GRHL2: variants seen among roughly 807,000 people sequenced by gnomAD.
GRHL2 encodes the protein grainyhead like transcription factor 2.
A neutral mutation model predicts 83.8 loss-of-function variants in GRHL2; 21 were observed. That is an observed-to-expected ratio of 0.25 (90% confidence interval 0.18 to 0.36). The LOEUF (loss-of-function observed/expected upper bound fraction) is 0.36. GRHL2 is among the 10% of genes least tolerant of loss of function. GRHL2 has a pLI of 1.00. For synonymous variants in GRHL2, 280 were observed against 278.9 expected (o/e 1.00, Z -0.04); for missense variants, 623 against 781.8 (o/e 0.80, Z 2.42).
At chr8:101,541,083 T>C (rs1319447892) in intron 1 of GRHL2, among the ~76,000 whole-genome samples, 1 of 152,014 alleles carries the variant, frequency 6.6e-6, no homozygotes, top group Non-Finnish European at 1.5e-5. Context: ...TGGCCTCCAG[T>C]TCCGTCACTG....
At chr8:101,679,769 T>A in the GRHL2 span, among the ~76,000 whole-genome samples, 2 of 149,576 alleles carry the variant, frequency 1.3e-5, no homozygotes, top group Non-Finnish European at 3.0e-5. Context: ...GGGGCCAATA[T>A]TCAACATTCT....
intron 14 of GRHL2, among the ~76,000 whole-genome samples, chr8:101,663,379 C>T (rs900129097): frequency 3.3e-5 from 5 of 151,980 alleles, no homozygotes; most frequent in African/African-American, 2.4e-5. Context: ...TTTGGGAGGC[C>T]GAGCTGGGTG....
intron 14 of GRHL2, among the ~76,000 whole-genome samples, chr8:101,652,349 G>GGT (rs1183729276): frequency 1.6e-5 from 1 of 62,492 alleles, no homozygotes; most frequent in Admixed American, 1.7e-4. Context: ...GTATGTGTGT[G>GGT]GTGTGTGTGG....
chr8:101,680,033 C>G, the GRHL2 span, among the ~76,000 whole-genome samples: 1 of 117,816 alleles, frequency 8.5e-6, no homozygotes, highest in Admixed American at 8.9e-5. Flanking sequence ...AGCAAAATAA[C>G]CAGCTATCAT....
At chr8:101,543,071 TA>T (rs1345754381) in intron 1 of GRHL2, among the ~76,000 whole-genome samples, 169 bp from the exon 2 acceptor site, 12 of 152,336 alleles carry the variant, frequency 7.9e-5, no homozygotes, top group Admixed American at 4.6e-4. Context: ...TCATAGACAG[TA>T]AAAAAATAAA....
intron 1 of GRHL2, among the ~76,000 whole-genome samples, chr8:101,515,968 G>T (rs992311086): frequency 1.3e-5 from 2 of 152,182 alleles, no homozygotes; most frequent in Non-Finnish European, 2.9e-5. Flanking sequence ...AAATGGGAGC[G>T]CAGGTTGGCT....
intron 1 of GRHL2, among the ~76,000 whole-genome samples, chr8:101,501,688 G>A (rs1271436803): frequency 2.0e-5 from 3 of 152,088 alleles, no homozygotes; most frequent in African/African-American, 7.2e-5. Flanking sequence ...TAGAATCCTA[G>A]AGCTAGAAAG....
In GRHL2 at chr8:101,582,232, C is replaced by T. The variant is rs577151615; in HGVS notation, c.1003+4713C>T. Reference sequence around the variant, plus strand: ...CACCCTGAGCAACAGAGCAAGACTCCGTCTCAAAAAAAAAAAAAAATGGGA... The same window carrying T: ...CACCCTGAGCAACAGAGCAAGACTCTGTCTCAAAAAAAAAAAAAAATGGGA... On this transcript the variant is annotated intron_variant, in intron 7 of 15. Transcript: ENST00000646743. Among the ~76,000 whole-genome samples the T allele has an allele frequency of 2.5e-3, 154 of 62,072 alleles. 1 individual carries two copies. Among genetic ancestry groups the T allele is most frequent in the African/African-American group, 8.6e-3 (145 of 16,956 alleles). 40.7% of individuals were successfully genotyped at this position (62,072 alleles called of 152,430 possible). A position where few individuals can be genotyped will look rare whatever the true frequency, so the allele number is the denominator to read the frequency against.
intron 3 of GRHL2, 129 bp downstream of exon 3, chr8:101,552,911 T>G (rs1199245733): frequency 1.1e-6 from 1 of 872,686 alleles, no homozygotes; most frequent in African/African-American, 1.7e-5. Flanking sequence ...GTCTTTTGAG[T>G]CTGGACCAAT....
chr8:101,593,908 A>G (rs1387103664), intron 7 of GRHL2, among the ~76,000 whole-genome samples: 1 of 151,760 alleles, frequency 6.6e-6, no homozygotes, highest in Non-Finnish European at 1.5e-5. Flanking sequence ...TCTACTAAAA[A>G]TATCAAAAAA....
chr8:101,556,211 C>A (rs1279140718), intron 3 of GRHL2, among the ~76,000 whole-genome samples: 1 of 152,156 alleles, frequency 6.6e-6, no homozygotes, highest in African/African-American at 2.4e-5. Flanking sequence ...CCCACCTCGG[C>A]CTCCCAAAGT....
At chr8:101,588,999 G>A (rs974002804) in intron 7 of GRHL2, among the ~76,000 whole-genome samples, 3 of 152,142 alleles carry the variant, frequency 2.0e-5, no homozygotes, top group Non-Finnish European at 2.9e-5. Flanking sequence ...GGTAGAAGGG[G>A]CCCTGTTTGT....
chr8:101,508,874 A>G (rs147118569), intron 1 of GRHL2, among the ~76,000 whole-genome samples: 91 of 152,338 alleles, frequency 6.0e-4, no homozygotes, highest in Admixed American at 9.8e-4. Context: ...GATTGTAATT[A>G]GAAAAAACAT....
intron 5 of GRHL2, among the ~76,000 whole-genome samples, chr8:101,572,239 G>A (rs1409376842): frequency 6.6e-6 from 1 of 152,146 alleles, no homozygotes; most frequent in African/African-American, 2.4e-5. Flanking sequence ...GGTCTAAAAT[G>A]TTATGATTCA....
chr8:101,674,751 A>AC, the GRHL2 span, among the ~76,000 whole-genome samples: 1 of 152,288 alleles, frequency 6.6e-6, no homozygotes, highest in East Asian at 1.9e-4. Context: ...CAGAGACACA[A>AC]CCAAAAAAGG....
intron 1 of GRHL2, among the ~76,000 whole-genome samples, chr8:101,524,077 A>G (rs1165283653): frequency 6.6e-6 from 1 of 152,222 alleles, no homozygotes; most frequent in South Asian, 2.1e-4. Flanking sequence ...TTCTGCACTG[A>G]AAAATCACTG....
At chr8:101,628,575 A>C (rs1471568876) in intron 9 of GRHL2, among the ~76,000 whole-genome samples, 4 of 152,096 alleles carry the variant, frequency 2.6e-5, no homozygotes, top group Non-Finnish European at 4.4e-5. Context: ...CAGTCTTTTT[A>C]TTTAAGAAAT....
chr8:101,519,252 G>A (rs933838376), intron 1 of GRHL2, among the ~76,000 whole-genome samples: 1 of 151,524 alleles, frequency 6.6e-6, no homozygotes, highest in Non-Finnish European at 1.5e-5. Context: ...TGAACTCCTG[G>A]CCTCAAGTAA....
At chr8:101,611,090 A>G (rs1812740272) in intron 8 of GRHL2, among the ~76,000 whole-genome samples, 1 of 150,826 alleles carries the variant, frequency 6.6e-6, no homozygotes, top group Non-Finnish European at 1.5e-5. Flanking sequence ...GCTCCTAAAA[A>G]TCTTTAACAA....
Sources: allele counts gnomAD v4.1 joint callset (sites outside exome capture counted in the v4.1 genomes callset), GRCh38; gene constraint gnomAD v4.1.1; transcripts MANE v1.5; gene names NCBI Gene and HGNC (gene_info 2026-07-23, HGNC 2026-07-21).